Variants in ITPR1 observed in about 807,000 individuals in gnomAD.
The protein encoded by ITPR1 is inositol 1,4,5-trisphosphate-gated calcium channel ITPR1.
ITPR1 carries 96 observed loss-of-function variants against 318.4 expected under a neutral mutation model. The ratio of observed to expected loss-of-function variants is 0.30; its 90% CI spans 0.26 to 0.36. ITPR1 has a LOEUF of 0.36. Among genes scored for constraint, ITPR1 ranks in the 10% least tolerant of loss-of-function variants. The probability of loss-of-function intolerance (pLI) is 1.00; values close to 1 mark genes in which losing one functional copy is unlikely to be tolerated. For synonymous variants in ITPR1, 1,312 were observed against 1,289.9 expected, an observed-to-expected ratio of 1.02 and a Z score of -0.37; for missense variants, 2,440 against 3,460.2, an observed-to-expected ratio of 0.71 and a Z score of 7.40.
In ITPR1 at chr3:4,809,672, TATAA is replaced by T. The variant is rs1195216113; in HGVS notation, c.7273-1588_7273-1585del. 1.7e-4 allele frequency among the ~76,000 whole-genome samples: 26 copies of T among 152,338 alleles called. No individual in the cohort carries two copies. In the East Asian group the frequency reaches 4.8e-3, roughly 28 times the overall value. On this transcript the variant is annotated intron_variant, in intron 55 of 61. Coordinates refer to ENST00000649015, the MANE Select transcript of ITPR1 (RefSeq NM_001378452.1). ...CAATTAGAAGAAAGCTTTTCTTTTA[TATAA>T]ATAATACTTATTGATTGTTTTAAAA...
intron 24 of ITPR1, among the ~76,000 whole-genome samples, chr3:4,678,790 C>G (rs533691541): frequency 6.6e-6 from 1 of 152,054 alleles, no homozygotes; most frequent in South Asian, 2.1e-4. Flanking sequence ...GATGGAGCAG[C>G]CTGAAGCCGA....
chr3:4,520,474 C>T (rs759624668), intron 3 of ITPR1, among the ~76,000 whole-genome samples: 6 of 152,192 alleles, frequency 3.9e-5, no homozygotes, highest in Non-Finnish European at 7.4e-5. Flanking sequence ...ACATCTATTT[C>T]GAATCTTCCA....
At chr3:4,728,807 A>C (rs1279515539) in intron 42 of ITPR1, among the ~76,000 whole-genome samples, 6 of 152,156 alleles carry the variant, frequency 3.9e-5, no homozygotes, top group Non-Finnish European at 1.5e-5. Context: ...TCACACACCC[A>C]GGCCCCTGCC....
intron 4 of ITPR1, among the ~76,000 whole-genome samples, chr3:4,595,829 A>G (rs1382125995): frequency 1.3e-5 from 2 of 152,180 alleles, no homozygotes; most frequent in African/African-American, 2.4e-5. Flanking sequence ...CTTTGAGAGC[A>G]TTGTGGTAGC....
intron 53 of ITPR1, among the ~76,000 whole-genome samples, chr3:4,797,148 C>T (rs541879373): frequency 1.8e-4 from 27 of 151,582 alleles, no homozygotes; most frequent in Admixed American, 1.1e-3. Flanking sequence ...GAGATTTGAC[C>T]TGAGGCTGAT....
chr3:4,499,310 T>C lies in ITPR1; in HGVS notation c.-17+4804T>C, dbSNP rs529409878. On this transcript the variant is annotated intron_variant, in intron 2 of 61. Coordinates refer to ENST00000649015, the MANE Select transcript of ITPR1 (RefSeq NM_001378452.1). ...TATGCATATGTAAAATTTACGTATA[T>C]ATTTAAATTTCATAAAAAGGGACTA... Among the ~76,000 whole-genome samples, 3 of 152,202 alleles carry C rather than the reference T, an allele frequency of 2.0e-5. No homozygotes were observed. In the South Asian group the frequency reaches 6.2e-4, roughly 31 times the overall value.
intron 51 of ITPR1, among the ~76,000 whole-genome samples, chr3:4,784,726 C>CAA (rs34856837): frequency 2.7e-5 from 3 of 109,504 alleles, no homozygotes; most frequent in African/African-American, 7.1e-5. Flanking sequence ...ACTAAAAATA[C>CAA]AAAAAAAAAA....
intron 50 of ITPR1, among the ~76,000 whole-genome samples, 185 bp from the exon 51 acceptor site, chr3:4,783,631 A>G (rs1174314584): frequency 1.3e-5 from 2 of 152,246 alleles, no homozygotes; most frequent in African/African-American, 4.8e-5. Flanking sequence ...CTTTTCTACC[A>G]AGCTCCCAAA....
At chr3:4,730,737 A>T (rs939004031) in intron 42 of ITPR1, among the ~76,000 whole-genome samples, 4 of 152,020 alleles carry the variant, frequency 2.6e-5, no homozygotes, top group African/African-American at 9.7e-5. Context: ...TAAGCAAGTC[A>T]CTCTAGCTCC....
chr3:4,733,461 A>G (rs1478107129), intron 43 of ITPR1, among the ~76,000 whole-genome samples: 1 of 151,890 alleles, frequency 6.6e-6, no homozygotes, highest in Admixed American at 6.6e-5. Flanking sequence ...CTTCCCATGC[A>G]GTGACCATCT....
Position 4,693,665 on chromosome 3 carries a change from C to G in ITPR1, c.4205C>G (p.Thr1402Arg). ...TGCACGGAGGGTAAGAATGTCTACACAGAGATCAAGTGCAACTCCCTGCTC... is the reference window on the plus strand; with the variant it reads ...TGCACGGAGGGTAAGAATGTCTACAGAGAGATCAAGTGCAACTCCCTGCTC... ...AVCTEGKNVY[T>R]EIKCNSLLPL... is the part of the protein sequence containing the mutation. Residue 1402 changes from threonine to arginine, a missense_variant, in exon 33 of 62, where the codon ACA becomes AGA. Coordinates refer to ENST00000649015, the MANE Select transcript of ITPR1 (RefSeq NM_001378452.1). 6.2e-7 allele frequency: 1 copy of G among 1,614,068 alleles called. No homozygotes were observed. Among genetic ancestry groups the G allele is most frequent in the Non-Finnish European group, 8.5e-7 (1 of 1,179,906 alleles).
At chr3:4,604,505 T>C (rs2091549004) in intron 4 of ITPR1, among the ~76,000 whole-genome samples, 1 of 152,196 alleles carries the variant, frequency 6.6e-6, no homozygotes, top group Non-Finnish European at 1.5e-5. Flanking sequence ...TGTTCAATTC[T>C]GATGTGGGAT....
chr3:4,618,481 A>G (rs576680982), intron 4 of ITPR1, among the ~76,000 whole-genome samples: 1 of 152,330 alleles, frequency 6.6e-6, no homozygotes, highest in African/African-American at 2.4e-5. Context: ...TTTTCTGGCT[A>G]AACTAATATT....
intron 24 of ITPR1, among the ~76,000 whole-genome samples, chr3:4,677,043 T>C (rs906805448): frequency 6.6e-6 from 1 of 152,212 alleles, no homozygotes; most frequent in Admixed American, 6.5e-5. Flanking sequence ...ATCTTAGCTT[T>C]CCATGATCAT....
chr3:4,808,308 G>T (rs2048720373), intron 55 of ITPR1, among the ~76,000 whole-genome samples: 2 of 152,232 alleles, frequency 1.3e-5, no homozygotes, highest in South Asian at 4.1e-4. Flanking sequence ...CACACTGTCA[G>T]TAACTGGTGG....
chr3:4,688,244 A>T (rs892431262), intron 30 of ITPR1, among the ~76,000 whole-genome samples: 4 of 133,862 alleles, frequency 3.0e-5, no homozygotes, highest in African/African-American at 7.7e-5. Flanking sequence ...TAATGGACTC[A>T]TGGATGCCTT....
chr3:4,563,815 A>G (rs972143376), intron 4 of ITPR1, among the ~76,000 whole-genome samples: 1 of 152,210 alleles, frequency 6.6e-6, no homozygotes, highest in Non-Finnish European at 1.5e-5. Context: ...AAACAAAACT[A>G]ATCCTATATA....
chr3:4,785,207 T>C (rs1425990244), intron 51 of ITPR1, among the ~76,000 whole-genome samples: 1 of 152,208 alleles, frequency 6.6e-6, no homozygotes. Flanking sequence ...AGAGAGACTG[T>C]GTCACTTTTC....
At chr3:4,584,880 A>G (rs1219251543) in intron 4 of ITPR1, among the ~76,000 whole-genome samples, 1 of 152,222 alleles carries the variant, frequency 6.6e-6, no homozygotes, top group Non-Finnish European at 1.5e-5. Context: ...AGACAAAATG[A>G]AGCAAATGAA....
Sources: allele counts gnomAD v4.1 joint callset (sites outside exome capture counted in the v4.1 genomes callset), GRCh38; gene constraint gnomAD v4.1.1; transcripts MANE v1.5; gene names NCBI Gene and HGNC (gene_info 2026-07-23, HGNC 2026-07-21).